BMPR1B: variants seen among roughly 807,000 people sequenced by gnomAD.
The protein encoded by BMPR1B is bone morphogenetic protein receptor type 1B.
A neutral mutation model predicts 59.1 loss-of-function variants in BMPR1B; 12 were observed. The observed-to-expected ratio is 0.20, with a 90% CI of 0.13 to 0.33. BMPR1B has a LOEUF of 0.33. Ranked by LOEUF, BMPR1B falls within the 10% of genes least tolerant of loss-of-function variation. The probability of loss-of-function intolerance (pLI) is 1.00; values close to 1 mark genes in which losing one functional copy is unlikely to be tolerated. For synonymous variants in BMPR1B, 237 were observed against 207.3 expected, an observed-to-expected ratio of 1.14 and a Z score of -1.23; for missense variants, 550 against 610.9, an observed-to-expected ratio of 0.90 and a Z score of 1.05.
chr4:95,084,222 AATAG>A (rs1157388052), intron 3 of BMPR1B, among the ~76,000 whole-genome samples: 8 of 151,018 alleles, frequency 5.3e-5, no homozygotes, highest in East Asian at 1.9e-4. Flanking sequence ...CACATGTATA[AATAG>A]ATTTATATAT....
At chr4:95,135,902 G>A (rs1018534356) in intron 10 of BMPR1B, among the ~76,000 whole-genome samples, 1 of 152,100 alleles carries the variant, frequency 6.6e-6, no homozygotes, top group Non-Finnish European at 1.5e-5. Context: ...ACACTATGTC[G>A]AATAGGAGTG....
intron 1 of BMPR1B, among the ~76,000 whole-genome samples, chr4:94,856,178 T>C: frequency 6.6e-6 from 1 of 152,280 alleles, no homozygotes; most frequent in East Asian, 1.9e-4. Flanking sequence ...AGGTAGTTTT[T>C]GTTGTTGTTG....
At chr4:94,970,913 CTT>C (rs1730769355) in intron 2 of BMPR1B, among the ~76,000 whole-genome samples, 1 of 152,178 alleles carries the variant, frequency 6.6e-6, no homozygotes, top group Admixed American at 6.5e-5. Context: ...TGGATGAACT[CTT>C]TAAATTCATT....
At chr4:95,015,186 T>C (rs1285451924) in intron 3 of BMPR1B, among the ~76,000 whole-genome samples, 2 of 152,158 alleles carry the variant, frequency 1.3e-5, no homozygotes, top group African/African-American at 4.8e-5. Context: ...TATGCTGTGG[T>C]GATCTTCACT....
In BMPR1B at chr4:95,097,549, T is replaced by C. The variant is rs145685812; in HGVS notation, c.-17-6859T>C. On this transcript the variant is annotated intron_variant, in intron 3 of 12. Transcript: ENST00000515059. The stretch of plus-strand genomic sequence containing the variant: ...TTTGACTTTCTTTCTTTCTTTCTTT[T>C]TTTTGTTGAGACAGAGTCTCGATCT... Among the ~76,000 whole-genome samples the C allele has an allele frequency of 6.5e-3, 994 of 152,278 alleles. 11 individuals are homozygous for C. The highest frequency in any genetic ancestry group is 0.022 in the African/African-American group (906 of 41,550).
chr4:95,122,002 C>A (rs1732563993), intron 6 of BMPR1B, among the ~76,000 whole-genome samples: 1 of 152,150 alleles, frequency 6.6e-6, no homozygotes, highest in Non-Finnish European at 1.5e-5. Context: ...ACAGAAGATT[C>A]ACTTTCTAAT....
chr4:94,836,414 C>T (rs1206568588), intron 1 of BMPR1B, among the ~76,000 whole-genome samples: 11,900 of 131,840 alleles, frequency 0.09, 659 homozygotes, highest in Non-Finnish European at 0.1. Context: ...TCCTCTCCAG[C>T]ACCTGTTGTT....
chr4:94,902,320 A>G (rs573006444), intron 2 of BMPR1B, among the ~76,000 whole-genome samples: 1 of 151,188 alleles, frequency 6.6e-6, no homozygotes, highest in East Asian at 2.0e-4. Context: ...CAAACTGGAA[A>G]TAATTCATGT....
At chr4:94,829,360 G>A (rs930763002) in intron 1 of BMPR1B, among the ~76,000 whole-genome samples, 2 of 136,238 alleles carry the variant, frequency 1.5e-5, no homozygotes, top group East Asian at 4.2e-4. Context: ...CTGCAGCTTC[G>A]ACCTCCTGAG....
At chr4:95,131,592 T>A in intron 10 of BMPR1B, 80 bp downstream of exon 10, 1 of 1,472,608 alleles carries the variant, frequency 6.8e-7, no homozygotes, top group Non-Finnish European at 9.4e-7. Flanking sequence ...GCTTCTAGGA[T>A]ATTTAGTAGA....
At chr4:94,776,578 G>A (rs963240242) in intron 1 of BMPR1B, among the ~76,000 whole-genome samples, 6 of 152,144 alleles carry the variant, frequency 3.9e-5, no homozygotes, top group African/African-American at 1.2e-4. Flanking sequence ...TTGTATATGC[G>A]TTTTAGTTGT....
At chr4:94,796,022 T>G (rs1036695341) in intron 1 of BMPR1B, among the ~76,000 whole-genome samples, 1 of 151,462 alleles carries the variant, frequency 6.6e-6, no homozygotes, top group African/African-American at 2.4e-5. Context: ...TGGAGTGCAA[T>G]GATGCAATCT....
chr4:95,138,312 C>A (rs576994371), intron 10 of BMPR1B, among the ~76,000 whole-genome samples: 45 of 152,154 alleles, frequency 3.0e-4, no homozygotes, highest in Admixed American at 2.9e-3. Flanking sequence ...GTGGCTAACC[C>A]GACCTTTCTC....
chr4:94,898,517 T>C (rs529573600), intron 2 of BMPR1B, among the ~76,000 whole-genome samples: 3 of 152,086 alleles, frequency 2.0e-5, no homozygotes, highest in South Asian at 4.1e-4. Context: ...GGGGCTTTCC[T>C]CTCCTTTGCT....
chr4:94,941,888 G>A (rs1278074269), intron 2 of BMPR1B, among the ~76,000 whole-genome samples: 1 of 152,180 alleles, frequency 6.6e-6, no homozygotes, highest in African/African-American at 2.4e-5. Context: ...TCACTCATCC[G>A]TCTCCAACAG....
chr4:94,907,955 T>C (rs970973193), intron 2 of BMPR1B, among the ~76,000 whole-genome samples: 4 of 148,870 alleles, frequency 2.7e-5, no homozygotes, highest in South Asian at 2.1e-4. Context: ...GAGGTTGAGG[T>C]GGGAGCATTG....
At chr4:95,141,074 C>A (rs1213869908) in intron 10 of BMPR1B, among the ~76,000 whole-genome samples, 2 of 152,146 alleles carry the variant, frequency 1.3e-5, no homozygotes, top group African/African-American at 4.8e-5. Context: ...ATGGCCATAG[C>A]CTAGCTGTGT....
intron 1 of BMPR1B, among the ~76,000 whole-genome samples, chr4:94,802,449 C>T (rs1449361931): frequency 6.6e-6 from 1 of 152,034 alleles, no homozygotes; most frequent in Non-Finnish European, 1.5e-5. Context: ...TTATCTTTGT[C>T]CAGGGAGGTC....
intron 2 of BMPR1B, among the ~76,000 whole-genome samples, chr4:94,899,852 T>C (rs948200358): frequency 6.6e-6 from 1 of 152,078 alleles, no homozygotes; most frequent in Non-Finnish European, 1.5e-5. Flanking sequence ...CTATAAATAC[T>C]GTTGATGTCA....
Sources: gnomAD v4.1 joint callset for allele counts (sites outside exome capture counted in the v4.1 genomes callset) on GRCh38, gnomAD v4.1.1 for gene constraint, MANE v1.5 for transcripts, NCBI Gene and HGNC (gene_info 2026-07-23, HGNC 2026-07-21) for gene names.